The following ATM variants were observed in gnomAD, a reference collection of about 807,000 sequenced individuals.
ATM encodes the protein ATM serine/threonine kinase.
ATM carries 308 observed loss-of-function variants against 387.0 expected under a neutral mutation model. That is an observed-to-expected ratio of 0.80 (90% confidence interval 0.73 to 0.87). The LOEUF (loss-of-function observed/expected upper bound fraction) is 0.87. ATM is among the 40% of genes least tolerant of loss of function. The pLI, the probability that ATM is intolerant of heterozygous loss-of-function variation, is 0.00. For synonymous variants in ATM, 1,156 were observed against 1,187.3 expected (o/e 0.97, Z 0.54); for missense variants, 3,312 against 3,560.9 (o/e 0.93, Z 1.78).
At chr11:108,273,814 C>T (rs192264057) in intron 22 of ATM, among the ~76,000 whole-genome samples, 9 of 152,230 alleles carry the variant, frequency 5.9e-5, no homozygotes, top group South Asian at 2.1e-4. Context: ...ATGTTCATCA[C>T]GGATAATGGC....
rs4987952 is a variant in ATM, at chr11:108,254,148, A to G, written c.2124+109A>G. The stretch of plus-strand genomic sequence containing the variant: ...AACAGCAAGGATGGTGGGAGGCTTC[A>G]TTTTAAAAGCAAAGTGGCAGTAAAG... On this transcript the variant is annotated intron_variant, in intron 13 of 62. Coordinates refer to ENST00000675843, the MANE Select transcript of ATM (RefSeq NM_000051.4). 1.4e-3 allele frequency: 1,455 copies of G among 1,047,854 alleles called. 17 individuals carry two copies. In the African/African-American group the frequency reaches 0.021, roughly 15 times the overall value. The allele number at this position is 1,047,854 out of a possible 1,614,324, so 64.9% of individuals were successfully genotyped here.
intron 56 of ATM, 177 bp downstream of exon 56, chr11:108,336,138 AGT>A: frequency 1.8e-6 from 1 of 546,954 alleles, no homozygotes; most frequent in African/African-American, 1.9e-5. Context: ...CTTGACAAAA[AGT>A]TAAAAAAAAA....
In ATM at chr11:108,366,180, A is replaced by C. The variant is rs905767242; in HGVS notation, c.*672A>C. 8 of 194,954 alleles carry C rather than the reference A, an allele frequency of 4.1e-5. No individual in the cohort carries two copies. Among genetic ancestry groups the C allele is most frequent in the Non-Finnish European group, 7.5e-5 (7 of 93,848 alleles). 12.1% of individuals were successfully genotyped at this position (194,954 alleles called of 1,614,324 possible). A position where few individuals can be genotyped will look rare whatever the true frequency, so the allele number is the denominator to read the frequency against. The stretch of plus-strand genomic sequence containing the variant: ...TTTTAAGTGTGTATTAAAACTTCTC[A>C]TTCTATTCTCTTTATCTTTTAAGCC... On this transcript the variant is annotated 3_prime_UTR_variant, in exon 63 of 63. Coordinates refer to ENST00000675843, the MANE Select transcript of ATM (RefSeq NM_000051.4).
rs2079890107 is a variant in ATM at position 108,247,105 on chromosome 11, T to C, written c.1043T>C (p.Leu348Ser). The C allele has an allele frequency of 6.2e-7, 1 of 1,613,922 alleles. No individual in the cohort carries two copies. Among genetic ancestry groups the C allele is most frequent in the Non-Finnish European group, 8.5e-7 (1 of 1,179,908 alleles). The change falls in exon 8 of 63, where the codon TTG (leucine) becomes TCG (serine). Residue 348 changes from leucine (L) to serine (S), a missense_variant. Leu to Ser is a moderately radical substitution (Grantham distance 145). Around this residue, in one of 4 missense-constraint regions of ATM, gnomAD observed 1,791 missense variants for 1,804.5 expected, o/e 0.99. Coordinates refer to ENST00000675843, the MANE Select transcript of ATM (RefSeq NM_000051.4). The stretch of plus-strand genomic sequence containing the variant: ...GCCGTCAAAGAAAATTTGATTGAAT[T>C]GATGGCAGATATCTGTCACCAGGTA... ...NIAVKENLIE[L>S]MADICHQVFN...
At chr11:108,317,301 G>C (rs963247585) in intron 42 of ATM, 72 bp from the exon 43 acceptor site, 1 of 1,476,916 alleles carries the variant, frequency 6.8e-7, no homozygotes, top group Non-Finnish European at 9.4e-7. Flanking sequence ...TTGTATCTTT[G>C]CTGTTTTTTT....
intron 13 of ATM, 49 bp from the exon 14 acceptor site, chr11:108,256,166 C>A (rs2135390981): frequency 6.9e-7 from 1 of 1,443,968 alleles, no homozygotes; most frequent in Non-Finnish European, 9.3e-7. Context: ...ATAGAGTATA[C>A]TAAATTATTT....
intron 13 of ATM, among the ~76,000 whole-genome samples, chr11:108,254,894 C>T (rs1226228449): frequency 1.3e-5 from 2 of 152,126 alleles, no homozygotes; most frequent in Non-Finnish European, 2.9e-5. Context: ...GGTGATGGAC[C>T]CGCCTCAGCA....
At chr11:108,337,104 A>G (rs1218798514) in intron 56 of ATM, among the ~76,000 whole-genome samples, 2 of 152,220 alleles carry the variant, frequency 1.3e-5, no homozygotes, top group African/African-American at 2.4e-5. Context: ...AATAAATTAG[A>G]TCTACCCTCC....
At position 108,347,382 on chromosome 11, in the gene ATM, A is replaced by C. The variant is rs765608446; in HGVS notation, c.8671+17A>C. The C allele has an allele frequency of 6.5e-7, 1 of 1,538,570 alleles. No individual in the cohort carries two copies. On this transcript the variant is annotated intron_variant, in intron 59 of 62. Transcript: ENST00000675843. The stretch of plus-strand genomic sequence containing the variant: ...TAGATCTAGGTAAGTAATAAAATCT[A>C]TGTATCTATTCTTTTTAGTAAATAT...
chr11:108,241,742 C>CTTTTTTTTTTTTTTTTTTTTT (rs1206745957), intron 5 of ATM, among the ~76,000 whole-genome samples: 1 of 45,366 alleles, frequency 2.2e-5, no homozygotes, highest in African/African-American at 7.2e-5. Context: ...TTCTTTCTTT[C>CTTTTTTTTTTTTTTTTTTTTT]TTTTTTTTTT....
At position 108,281,052 on chromosome 11, in the gene ATM, T is replaced by C. The variant is rs1591636498; in HGVS notation, c.3460T>C (p.Leu1154=). The change falls in exon 24 of 63, where the codon TTA becomes CTA. Residue 1154 remains leucine, a synonymous_variant. Transcript: ENST00000675843. ...TGAAATTTATAATAGAAAATCTGTT[T>C]TACTGACGTTGATAGCTGTGGTTTT... ...LDEIYNRKSV[L]LTLIAVVLSC... 1.2e-6 allele frequency: 2 copies of C among 1,613,898 alleles called. No homozygotes were observed. Among genetic ancestry groups the C allele is most frequent in the Middle Eastern group, 1.7e-4 (1 of 6,058 alleles).
intron 23 of ATM, among the ~76,000 whole-genome samples, chr11:108,280,740 C>G (rs2082186717): frequency 6.6e-6 from 1 of 152,080 alleles, no homozygotes; most frequent in African/African-American, 2.4e-5. Context: ...AGATCTGTGT[C>G]TTATAAAAAA....
rs786203054 is a variant in ATM, at chr11:108,271,074, T to G, written c.2849T>G (p.Leu950Arg). 1.3e-5 allele frequency: 21 copies of G among 1,613,954 alleles called. No individual in the cohort carries two copies. The highest frequency in any genetic ancestry group is 1.7e-5 in the Non-Finnish European group (20 of 1,179,858). The change falls in exon 19 of 63, where the codon CTT (leucine) becomes CGT (arginine). Residue 950 changes from leucine to arginine, a missense_variant. Transcript: ENST00000675843. The stretch of plus-strand genomic sequence containing the variant: ...CTCCTACCATCTTAGTATCTAATGC[T>G]TTTAAAGGAGCTTCCTGGAGAAGAG... Reference protein sequence around the residue: ...KSLHLHMYLMLLKELPGEEYP... With the variant: ...KSLHLHMYLMRLKELPGEEYP...
chr11:108,287,492 T>C, intron 26 of ATM, 108 bp from the exon 27 acceptor site: 1 of 684,848 alleles, frequency 1.5e-6, no homozygotes, highest in Non-Finnish European at 2.4e-6. Flanking sequence ...CTATTTTCTT[T>C]TACAGTCATC....
chr11:108,240,143 C>T (rs774969831), intron 5 of ATM, among the ~76,000 whole-genome samples: 4 of 152,140 alleles, frequency 2.6e-5, no homozygotes, highest in Non-Finnish European at 5.9e-5. Flanking sequence ...TTTGGTGGTA[C>T]ATATGCTATG....
chr11:108,303,078 A>G, intron 36 of ATM, 49 bp downstream of exon 36: 2 of 1,530,916 alleles, frequency 1.3e-6, no homozygotes, highest in Non-Finnish European at 1.8e-6. Flanking sequence ...TGACCTGTTT[A>G]TCTAAAGAGT....
chr11:108,326,500 G>A (rs931245785), intron 47 of ATM, among the ~76,000 whole-genome samples: 2 of 152,196 alleles, frequency 1.3e-5, no homozygotes, highest in African/African-American at 2.4e-5. Flanking sequence ...AGAAAGGTAT[G>A]TGGGAAATGA....
In ATM at chr11:108,354,070, A is replaced by ACACACACAC. The variant is rs2089570249; in HGVS notation, c.8786+190_8786+191insCACACACAC. Among the ~76,000 whole-genome samples, 226 of 114,946 alleles carry ACACACACAC rather than the reference A, an allele frequency of 2.0e-3. 2 individuals carry two copies. The highest frequency in any genetic ancestry group is 3.1e-3 in the African/African-American group (105 of 33,844). 75.4% of individuals were successfully genotyped at this position (114,946 alleles called of 152,430 possible). On this transcript the variant is annotated intron_variant, in intron 60 of 62. Coordinates refer to ENST00000675843, the MANE Select transcript of ATM (RefSeq NM_000051.4). ...GTATCTAAAAAAATACACACACACA[A>ACACACACAC]ACACACACACACACACACACACACA...
At chr11:108,308,313 C>T (rs975820279) in intron 38 of ATM, among the ~76,000 whole-genome samples, 1 of 152,144 alleles carries the variant, frequency 6.6e-6, no homozygotes, top group African/African-American at 2.4e-5. Flanking sequence ...TATTACCCCT[C>T]TTTTTACTTT....
Sources: gnomAD v4.1 joint callset for allele counts (sites outside exome capture counted in the v4.1 genomes callset) on GRCh38, gnomAD v4.1.1 for gene constraint, gnomAD v4.1.1 regional missense constraint, MANE v1.5 for transcripts, NCBI Gene and HGNC (gene_info 2026-07-23, HGNC 2026-07-21) for gene names.